The following DNAH10 variants were observed in gnomAD, a reference collection of about 807,000 sequenced individuals.
DNAH10 encodes axonemal beta dynein heavy chain 10.
DNAH10 carries 348 observed loss-of-function variants against 506.6 expected under a neutral mutation model. That is an observed-to-expected ratio of 0.69 (90% CI 0.63 to 0.75). The LOEUF (loss-of-function observed/expected upper bound fraction) is 0.75, where lower values mean the gene tolerates loss of function less well. DNAH10 is among the 30% of genes least tolerant of loss of function. The probability of loss-of-function intolerance (pLI) is 0.00; values close to 1 mark genes in which losing one functional copy is unlikely to be tolerated. For synonymous variants in DNAH10, 2,059 were observed against 2,198.6 expected (o/e 0.94, Z 1.78); for missense variants, 5,179 against 5,787.1 (o/e 0.89, Z 3.41).
rs773220508 is a variant in DNAH10 at position 123,851,002 on chromosome 12, G to A, written c.6217G>A (p.Val2073Met). Residue 2073 changes from valine (V) to methionine (M), a missense_variant, in exon 35 of 79, where the codon GTG (valine) becomes ATG (methionine). By Grantham distance (21) the Val-to-Met change is conservative. This residue lies in a region of DNAH10 where 4,844 missense variants were observed against 5,430.5 expected (regional missense o/e 0.89). Coordinates refer to ENST00000673944, the MANE Select transcript of DNAH10 (RefSeq NM_001372106.1). ...GTCGGTGAAGGCGCTGTTCAGGCCTGTGGTCGTGATCGTGCCCGACCTGCA... is the reference window on the plus strand; with the variant it reads ...GTCGGTGAAGGCGCTGTTCAGGCCTATGGTCGTGATCGTGCCCGACCTGCA... ...PESVKALFRPVVVIVPDLQQI... is the reference protein window; with the variant it reads ...PESVKALFRPMVVIVPDLQQI... 1.2e-5 allele frequency: 20 copies of A among 1,613,828 alleles called. No individual in the cohort carries two copies. The Admixed American group carries it at 3.2e-4, about 26-fold the overall frequency.
chr12:123,796,392 G>C (rs1446889757), intron 12 of DNAH10, among the ~76,000 whole-genome samples: 1 of 152,096 alleles, frequency 6.6e-6, no homozygotes. Context: ...GGGAGGCGGA[G>C]TTTTCAGTGA....
chr12:123,786,061 G>T, intron 9 of DNAH10, 125 bp downstream of exon 9: 1 of 1,121,858 alleles, frequency 8.9e-7, no homozygotes, highest in Non-Finnish European at 1.2e-6. Context: ...ACAATTCACT[G>T]GCTCTTATGG....
chr12:123,795,981 A>G (rs1360718400), intron 12 of DNAH10, among the ~76,000 whole-genome samples: 1 of 152,202 alleles, frequency 6.6e-6, no homozygotes, highest in Non-Finnish European at 1.5e-5. Context: ...CCTATAGCCC[A>G]TGAATATGTA....
In DNAH10 at chr12:123,914,387, C is replaced by T. The variant is rs1954368560; in HGVS notation, c.10411C>T (p.Leu3471=). Residue 3471 remains leucine, a synonymous_variant, in exon 61 of 79, where the codon CTG becomes TTG. Transcript: ENST00000673944. ...GCGCGTGAAGCTGCTGGGGGACTGC[C>T]TGCTCTGCGCGGCTTTCCTCAGCTA... The part of the protein sequence containing the change: ...HRRVKLLGDC[L]LCAAFLSYEG... The T allele has an allele frequency of 1.2e-6, 2 of 1,613,520 alleles. No individual in the cohort carries two copies. Among genetic ancestry groups the T allele is most frequent in the Non-Finnish European group, 1.7e-6 (2 of 1,179,894 alleles).
chr12:123,893,094 G>A (rs1953061003), intron 52 of DNAH10, 139 bp from the exon 53 acceptor site: 1 of 862,078 alleles, frequency 1.2e-6, no homozygotes, highest in Non-Finnish European at 1.8e-6. Context: ...GGGAGCCTCG[G>A]GTCTCAGGTC....
intron 39 of DNAH10, 52 bp from the exon 40 acceptor site, chr12:123,864,543 A>C: frequency 1.3e-6 from 2 of 1,584,380 alleles, no homozygotes; most frequent in African/African-American, 1.4e-5. Flanking sequence ...ACCAAGTTCC[A>C]TAATTGGAAG....
intron 43 of DNAH10, 35 bp from the exon 44 acceptor site, chr12:123,870,331 A>G: frequency 1.2e-6 from 2 of 1,602,044 alleles, no homozygotes; most frequent in Non-Finnish European, 1.7e-6. Context: ...TTCCGTGTTT[A>G]TGATTCAAGT....
At chr12:123,791,034 G>T (rs1009814184) in intron 11 of DNAH10, among the ~76,000 whole-genome samples, 3 of 152,104 alleles carry the variant, frequency 2.0e-5, no homozygotes, top group African/African-American at 7.2e-5. Flanking sequence ...AGCTGAGGTG[G>T]GAGGATCCCT....
intron 57 of DNAH10, among the ~76,000 whole-genome samples, chr12:123,905,536 G>A (rs1469175576): frequency 6.6e-6 from 1 of 152,100 alleles, no homozygotes; most frequent in African/African-American, 2.4e-5. Flanking sequence ...AACAGGGGGC[G>A]CGATCACATG....
chr12:123,929,365 C>T lies in DNAH10; in HGVS notation c.12397C>T (p.Pro4133Ser). The change falls in exon 71 of 79, where the codon CCT becomes TCT. Residue 4133 changes from proline to serine, a missense_variant. Pro to Ser is a moderately conservative substitution (Grantham distance 74, BLOSUM62 -1). Coordinates refer to ENST00000673944, the MANE Select transcript of DNAH10 (RefSeq NM_001372106.1). ...SHEMLDQCPH[P>S]AFKPLVYVLA... ...CGAAATGCTGGACCAGTGCCCGCAC[C>T]CTGCCTTCAAGCCGCTGGTCTACGT... 1 of 1,611,716 alleles carries T rather than the reference C, an allele frequency of 6.2e-7. No homozygotes were observed. Among genetic ancestry groups the T allele is most frequent in the Non-Finnish European group, 8.5e-7 (1 of 1,178,980 alleles).
intron 39 of DNAH10, among the ~76,000 whole-genome samples, chr12:123,862,246 T>C (rs961538481): frequency 3.3e-5 from 5 of 152,160 alleles, no homozygotes; most frequent in African/African-American, 4.8e-5. Flanking sequence ...ACTAAGTAAA[T>C]ATCCCATTTC....
intron 40 of DNAH10, 81 bp downstream of exon 40, chr12:123,864,811 A>AT (rs1198093598): frequency 2.0e-6 from 3 of 1,465,636 alleles, no homozygotes; most frequent in Non-Finnish European, 2.7e-6. Flanking sequence ...GTAGTAGTAA[A>AT]TGTAGATGAT....
In DNAH10 at chr12:123,925,775, C is replaced by G. The variant is rs1954915762; in HGVS notation, c.11921+571C>G. The G allele has an allele frequency of 6.6e-6, 1 of 152,590 alleles. No homozygotes were observed. The highest frequency in any genetic ancestry group is 6.5e-5 in the Admixed American group (1 of 15,274). The allele number at this position is 152,590 out of a possible 1,614,324, so 9.5% of individuals were successfully genotyped here. A position where few individuals can be genotyped will look rare whatever the true frequency, so the allele number is the denominator to read the frequency against. Reference sequence around the variant, plus strand: ...AGTGAGTGATGAGGCTGGGTGGGGTCCTGGTCCCTGGGCAGCTGCCCTTAG... The same window carrying G: ...AGTGAGTGATGAGGCTGGGTGGGGTGCTGGTCCCTGGGCAGCTGCCCTTAG... On this transcript the variant is annotated intron_variant, in intron 68 of 78. Coordinates refer to ENST00000673944, the MANE Select transcript of DNAH10 (RefSeq NM_001372106.1). This position sits in a 1 kb window ranked among gnomAD's most constrained non-coding sequence, Gnocchi z 4.0.
rs780098376 is a variant in DNAH10 at position 123,931,665 on chromosome 12, G to T, written c.12946G>T (p.Asp4316Tyr). ...GESSSGISRDDYIGQVAKEIE... is the reference protein window; with the variant it reads ...GESSSGISRDYYIGQVAKEIE... Reference sequence around the variant, plus strand: ...ATCCAGCAGTGGTATCAGCCGCGATGATTATATTGGCCAAGTGGCCAAAGA... The same window carrying T: ...ATCCAGCAGTGGTATCAGCCGCGATTATTATATTGGCCAAGTGGCCAAAGA... Residue 4316 changes from aspartate to tyrosine, a missense_variant, in exon 75 of 79, where the codon GAT becomes TAT. Physicochemically the swap from Asp to Tyr is radical, Grantham distance 160 (BLOSUM62 -3). Transcript: ENST00000673944. 4 of 1,614,044 alleles carry T rather than the reference G, an allele frequency of 2.5e-6. No homozygotes were observed. Among genetic ancestry groups the T allele is most frequent in the Non-Finnish European group, 3.4e-6 (4 of 1,179,904 alleles).
chr12:123,914,964 T>C lies in DNAH10; in HGVS notation c.10687T>C (p.Trp3563Arg). The C allele has an allele frequency of 6.2e-7, 1 of 1,611,088 alleles. No homozygotes were observed. The highest frequency in any genetic ancestry group is 1.3e-5 in the African/African-American group (1 of 74,974). The change falls in exon 62 of 79, where the codon TGG (tryptophan) becomes CGG (arginine). Residue 3563 changes from tryptophan (W) to arginine (R), a missense_variant. By Grantham distance (101) the Trp-to-Arg change is moderately radical (BLOSUM62 -3). This residue lies in a region of DNAH10 where 4,844 missense variants were observed against 5,430.5 expected (regional missense o/e 0.89). Transcript: ENST00000673944. ...CIDPQQQALN[W>R]IKRKEEKNNL... ...CGACCCCCAGCAGCAGGCCCTCAAC[T>C]GGATCAAGAGAAAAGAGGAGAAGAA...
intron 51 of DNAH10, chr12:123,882,176 T>C: frequency 5.8e-6 from 1 of 172,562 alleles, no homozygotes; most frequent in Non-Finnish European, 1.2e-5. Flanking sequence ...TCTGTATTGC[T>C]TTGTTTTTAG....
chr12:123,814,961 C>G (rs1188881387), intron 21 of DNAH10, among the ~76,000 whole-genome samples: 2 of 152,144 alleles, frequency 1.3e-5, no homozygotes. Flanking sequence ...TGGTTTACGT[C>G]ACAGAAATAA....
At position 123,850,855 on chromosome 12, in the gene DNAH10, C is replaced by T; in HGVS notation, c.6103-33C>T. Reference sequence around the variant, plus strand: ...GGGGCTGGCCGGCCGGGCCACCTAACTGCTTCTTTCTTTCTTCCTTCTTGC... The same window carrying T: ...GGGGCTGGCCGGCCGGGCCACCTAATTGCTTCTTTCTTTCTTCCTTCTTGC... On this transcript the variant is annotated intron_variant, in intron 34 of 78. Transcript: ENST00000673944. This position sits in a 1 kb window ranked among gnomAD's most constrained non-coding sequence, Gnocchi z 5.5. 5 of 1,584,582 alleles carry T rather than the reference C, an allele frequency of 3.2e-6. No individual in the cohort carries two copies. The highest frequency in any genetic ancestry group is 4.3e-6 in the Non-Finnish European group (5 of 1,162,992).
chr12:123,799,446 T>C, intron 14 of DNAH10, 75 bp downstream of exon 14: 1 of 1,521,196 alleles, frequency 6.6e-7, no homozygotes, highest in Non-Finnish European at 8.9e-7. Flanking sequence ...AAGGCTTGAT[T>C]TGTTGACATT....
Sources: gnomAD v4.1 joint callset for allele counts (sites outside exome capture counted in the v4.1 genomes callset) on GRCh38, gnomAD v4.1.1 for gene constraint, gnomAD v4.1.1 regional missense constraint, Gnocchi (gnomAD v3.1) non-coding constraint, MANE v1.5 for transcripts, NCBI Gene and HGNC (gene_info 2026-07-23, HGNC 2026-07-21) for gene names.